Variants in VAV3 observed in about 807,000 individuals in gnomAD.
The protein encoded by VAV3 is vav guanine nucleotide exchange factor 3, also known as guanine nucleotide exchange factor VAV3.
A neutral mutation model predicts 131.2 loss-of-function variants in VAV3; 94 were observed. The observed-to-expected ratio is 0.72, with a 90% CI of 0.61 to 0.85. The LOEUF is 0.85. Among genes scored for constraint, VAV3 ranks in the 40% least tolerant of loss-of-function variants. The pLI, the probability that VAV3 is intolerant of heterozygous loss-of-function variation, is 0.00. For synonymous variants in VAV3, 349 were observed against 342.0 expected, an observed-to-expected ratio of 1.02 and a Z score of -0.22; for missense variants, 939 against 1,002.7, an observed-to-expected ratio of 0.94 and a Z score of 0.86.
intron 24 of VAV3, 32 bp from the exon 25 acceptor site, chr1:107,596,373 T>A (rs1194138838): frequency 6.2e-7 from 1 of 1,609,328 alleles, no homozygotes; most frequent in South Asian, 1.1e-5. Flanking sequence ...ATATTTTTGA[T>A]AAGGATACTT....
At chr1:107,782,174 C>T (rs527247733) in intron 2 of VAV3, among the ~76,000 whole-genome samples, 88 of 152,166 alleles carry the variant, frequency 5.8e-4, no homozygotes, top group African/African-American at 2.1e-3. Context: ...AGCAGTACTA[C>T]GGTTATGTCT....
At chr1:107,632,934 A>G (rs1416954581) in intron 20 of VAV3, among the ~76,000 whole-genome samples, 1 of 152,202 alleles carries the variant, frequency 6.6e-6, no homozygotes, top group Non-Finnish European at 1.5e-5. Context: ...TTCTAATACT[A>G]TACCAGAAAA....
At chr1:107,603,274 A>C in intron 22 of VAV3, 111 bp from the exon 23 acceptor site, 1 of 754,900 alleles carries the variant, frequency 1.3e-6, no homozygotes, top group Non-Finnish European at 2.2e-6. Flanking sequence ...AGCTGTTGGT[A>C]ATTCTATACT....
intron 2 of VAV3, among the ~76,000 whole-genome samples, chr1:107,781,970 T>C (rs761270901): frequency 2.6e-5 from 4 of 152,106 alleles, no homozygotes; most frequent in Non-Finnish European, 4.4e-5. Context: ...AAGCGAAAAG[T>C]CTAACTTTGG....
chr1:107,802,289 T>C (rs1213684982), intron 2 of VAV3, among the ~76,000 whole-genome samples: 4 of 152,132 alleles, frequency 2.6e-5, no homozygotes, highest in African/African-American at 9.7e-5. Context: ...AATGTTCATG[T>C]CATCTGCATA....
Position 107,702,947 on chromosome 1 carries a change from C to T in VAV3, c.1705+1603G>A, listed in dbSNP as rs139255608. Among the ~76,000 whole-genome samples the T allele has an allele frequency of 3.3e-3, 509 of 152,242 alleles. 2 individuals carry two copies. The highest frequency in any genetic ancestry group is 5.5e-3 in the Non-Finnish European group (376 of 68,014). ...TTTACAAAATGAATAAACAAAAGCT[C>T]AGAATATTTAAGTAAATTCCCCAAG... On this transcript the variant is annotated intron_variant, in intron 17 of 26. Transcript: ENST00000370056.
chr1:107,848,312 CA>C (rs34249858), intron 2 of VAV3, among the ~76,000 whole-genome samples: 7,070 of 92,094 alleles, frequency 0.077, 158 homozygotes, highest in East Asian at 0.15. Flanking sequence ...GACTCCGTCT[CA>C]AAAAAAAAAA....
At chr1:107,636,744 TAAATC>T (rs1654958195) in intron 20 of VAV3, among the ~76,000 whole-genome samples, 1 of 152,112 alleles carries the variant, frequency 6.6e-6, no homozygotes, top group African/African-American at 2.4e-5. Context: ...GAAAAATCAT[TAAATC>T]AAACCATCAT....
intron 9 of VAV3, among the ~76,000 whole-genome samples, chr1:107,761,489 G>A (rs1237381102): frequency 6.6e-6 from 1 of 151,836 alleles, no homozygotes; most frequent in Non-Finnish European, 1.5e-5. Flanking sequence ...CTTTATCGCT[G>A]TACTTCCCAC....
chr1:107,909,811 T>C (rs1343516649), intron 1 of VAV3, among the ~76,000 whole-genome samples: 3 of 152,180 alleles, frequency 2.0e-5, no homozygotes, highest in Non-Finnish European at 2.9e-5. Context: ...ATCTTCTTTA[T>C]GGGAAGGTGA....
At chr1:107,603,788 T>C (rs1232459994) in intron 22 of VAV3, among the ~76,000 whole-genome samples, 2 of 151,860 alleles carry the variant, frequency 1.3e-5, no homozygotes, top group African/African-American at 4.8e-5. Context: ...AGCAATGCAG[T>C]CTATTTAACA....
chr1:107,831,451 T>A (rs774112880), intron 2 of VAV3, among the ~76,000 whole-genome samples: 2 of 152,184 alleles, frequency 1.3e-5, no homozygotes, highest in Non-Finnish European at 2.9e-5. Flanking sequence ...AGTAGAAATT[T>A]TTCTTCCATA....
chr1:107,858,369 A>G (rs769862945), intron 2 of VAV3, among the ~76,000 whole-genome samples: 27 of 142,752 alleles, frequency 1.9e-4, no homozygotes, highest in Non-Finnish European at 3.2e-4. Context: ...TTTAACTATT[A>G]TATTTCTTAG....
intron 9 of VAV3, 150 bp downstream of exon 9, chr1:107,764,926 A>AT: frequency 1.8e-6 from 1 of 554,614 alleles, no homozygotes; most frequent in Non-Finnish European, 3.1e-6. Flanking sequence ...CCATATTACT[A>AT]TTTTATAGAG....
intron 2 of VAV3, among the ~76,000 whole-genome samples, chr1:107,800,826 T>C (rs1666794657): frequency 6.6e-6 from 1 of 152,210 alleles, no homozygotes; most frequent in Non-Finnish European, 1.5e-5. Flanking sequence ...TTTGCCTTTA[T>C]ATAATCCTAT....
intron 20 of VAV3, among the ~76,000 whole-genome samples, chr1:107,621,700 T>C (rs188112767): frequency 5.3e-4 from 80 of 152,294 alleles, no homozygotes; most frequent in African/African-American, 1.8e-3. Context: ...TCATCCCTTT[T>C]ATGAGTATTA....
At chr1:107,710,051 T>A (rs943382945) in intron 15 of VAV3, among the ~76,000 whole-genome samples, 1 of 152,202 alleles carries the variant, frequency 6.6e-6, no homozygotes, top group South Asian at 2.1e-4. Flanking sequence ...AAAACATACA[T>A]GCTTAAAATG....
At chr1:107,716,822 C>G (rs1193962816) in intron 15 of VAV3, among the ~76,000 whole-genome samples, 2 of 152,200 alleles carry the variant, frequency 1.3e-5, no homozygotes, top group African/African-American at 4.8e-5. Context: ...GGTACCAGCT[C>G]TTCCTTGTAC....
intron 19 of VAV3, among the ~76,000 whole-genome samples, chr1:107,676,565 A>T (rs1327383190): frequency 6.6e-6 from 1 of 152,208 alleles, no homozygotes; most frequent in African/African-American, 2.4e-5. Context: ...GCCTGAAGCC[A>T]AAATGCTTTG....
Sources: gnomAD v4.1 joint callset for allele counts (sites outside exome capture counted in the v4.1 genomes callset) on GRCh38, gnomAD v4.1.1 for gene constraint, MANE v1.5 for transcripts, NCBI Gene and HGNC (gene_info 2026-07-23, HGNC 2026-07-21) for gene names.